TANGO6: variants seen among roughly 807,000 people sequenced by gnomAD.
TANGO6 encodes the protein transport and golgi organization 6 homolog.
TANGO6 carries 90 observed loss-of-function variants against 114.2 expected under a neutral mutation model. The observed-to-expected ratio is 0.79, with a 90% CI of 0.66 to 0.94. TANGO6 has a LOEUF of 0.94. Ranked by LOEUF, TANGO6 falls within the 40% of genes least tolerant of loss-of-function variation. TANGO6 has a pLI of 0.00. For missense variants in TANGO6, 1,274 were observed against 1,315.3 expected, an observed-to-expected ratio of 0.97 and a Z score of 0.49; for synonymous variants, 477 against 509.8, an observed-to-expected ratio of 0.94 and a Z score of 0.87.
chr16:69,008,131 G>GA (rs920704725), intron 15 of TANGO6, among the ~76,000 whole-genome samples: 3 of 151,576 alleles, frequency 2.0e-5, no homozygotes, highest in South Asian at 2.1e-4. Flanking sequence ...TTTTCTTTCA[G>GA]AAAAAATAGA....
At chr16:68,863,104 A>C in intron 3 of TANGO6, 43 bp downstream of exon 3, 1 of 1,222,802 alleles carries the variant, frequency 8.2e-7, no homozygotes, top group Non-Finnish European at 1.1e-6. Flanking sequence ...CATTAATGAT[A>C]ATGTGTGGTT....
chr16:69,081,252 G>A (rs1005456437), intron 17 of TANGO6, among the ~76,000 whole-genome samples: 1 of 152,102 alleles, frequency 6.6e-6, no homozygotes, highest in Non-Finnish European at 1.5e-5. Context: ...AGTATTTGAG[G>A]CAAAAAGCCC....
At position 68,907,675 on chromosome 16, in the gene TANGO6, A is replaced by C; in HGVS notation, c.1800+100A>C. The C allele has an allele frequency of 2.2e-6, 3 of 1,363,040 alleles. No homozygotes were observed. In the South Asian group the frequency reaches 4.8e-5, roughly 22 times the overall value. The allele number at this position is 1,363,040 out of a possible 1,614,324, so 84.4% of individuals were successfully genotyped here. Reference sequence around the variant, plus strand: ...TTTATAATTTTAGGTCCTAAAATGTAGGCCCTAATTTAAGGAAAATGGTCA... The same window carrying C: ...TTTATAATTTTAGGTCCTAAAATGTCGGCCCTAATTTAAGGAAAATGGTCA... On this transcript the variant is annotated intron_variant, in intron 10 of 17. Transcript: ENST00000261778.
At chr16:68,873,775 T>C (rs143203537) in intron 4 of TANGO6, among the ~76,000 whole-genome samples, 55 of 152,338 alleles carry the variant, frequency 3.6e-4, no homozygotes, top group Middle Eastern at 6.8e-3. Flanking sequence ...TTATATTCCT[T>C]AGTTGGACTT....
intron 15 of TANGO6, among the ~76,000 whole-genome samples, chr16:68,994,482 C>G (rs1963973252): frequency 6.6e-6 from 1 of 152,084 alleles, no homozygotes; most frequent in East Asian, 1.9e-4. Context: ...AAATCTTTCT[C>G]TTATTCTTTC....
chr16:68,849,212 G>A lies in TANGO6; in HGVS notation c.94+5501G>A, dbSNP rs137913221. Among the ~76,000 whole-genome samples the A allele has an allele frequency of 5.6e-4, 85 of 152,262 alleles. 2 individuals are homozygous for A. The East Asian group carries it at 0.014, about 26-fold the overall frequency. ...TAGCCGAGTGCTATGGTGGGCTCCT[G>A]TAATCCTAGCTACTTGGAGGCTGAG... On this transcript the variant is annotated intron_variant, in intron 1 of 17. Coordinates refer to ENST00000261778, the MANE Select transcript of TANGO6 (RefSeq NM_024562.2).
intron 1 of TANGO6, among the ~76,000 whole-genome samples, chr16:68,857,273 C>A (rs967678401): frequency 6.6e-6 from 1 of 152,240 alleles, no homozygotes; most frequent in Admixed American, 6.5e-5. Context: ...AGACTGGCTT[C>A]TTTCACTTAG....
chr16:68,990,950 AC>A (rs965185666), intron 15 of TANGO6, among the ~76,000 whole-genome samples: 1 of 152,158 alleles, frequency 6.6e-6, no homozygotes, highest in African/African-American at 2.4e-5. Flanking sequence ...AAGCAGAGAG[AC>A]CTATTAGGAT....
chr16:68,937,392 T>C (rs1230124513), intron 14 of TANGO6: 1 of 152,246 alleles, frequency 6.6e-6, no homozygotes, highest in African/African-American at 2.4e-5. Context: ...TTAAAACTTC[T>C]TATTTGAGAT....
chr16:68,995,903 A>G (rs1313251344), intron 15 of TANGO6, among the ~76,000 whole-genome samples: 1 of 152,216 alleles, frequency 6.6e-6, no homozygotes, highest in Non-Finnish European at 1.5e-5. Flanking sequence ...TATTTGTGAT[A>G]CAGGGTTAAT....
rs747181358 is a variant in TANGO6 at position 68,927,761 on chromosome 16, G to T, written c.2321G>T (p.Gly774Val). 1 of 1,613,796 alleles carries T rather than the reference G, an allele frequency of 6.2e-7. No homozygotes were observed. The highest frequency in any genetic ancestry group is 1.1e-5 in the South Asian group (1 of 91,082). ...QSTLNRKDLE[G>V]KIEEQQQTSH... ...ACACTGAACAGAAAAGATCTGGAAG[G>T]GAAAATAGAAGAGCAGCAACAAACC... The change falls in exon 13 of 18, where the codon GGG becomes GTG. Residue 774 changes from glycine (G) to valine (V), a missense_variant. Gly to Val is a moderately radical substitution (Grantham distance 109). Transcript: ENST00000261778.
rs560932825 is a variant in TANGO6 at position 68,887,533 on chromosome 16, G to A, written c.1377+6903G>A. 4.6e-5 allele frequency among the ~76,000 whole-genome samples: 7 copies of A among 152,282 alleles called. No individual in the cohort carries two copies. The East Asian group carries it at 1.4e-3, about 29-fold the overall frequency. On this transcript the variant is annotated intron_variant, in intron 7 of 17. Coordinates refer to ENST00000261778, the MANE Select transcript of TANGO6 (RefSeq NM_024562.2). The stretch of plus-strand genomic sequence containing the variant: ...TGAAAAGCAAAGTTTGTTGGGGCTG[G>A]TATGTCCAATATACTTTGTTTAAAA...
intron 17 of TANGO6, among the ~76,000 whole-genome samples, chr16:69,072,026 C>CGTGTGTGTGTGTGTGTGTGTGTGTGT (rs58310609): frequency 2.2e-5 from 2 of 92,986 alleles, no homozygotes; most frequent in African/African-American, 4.9e-5. Flanking sequence ...AGAGGGAGAC[C>CGTGTGTGTGTGTGTGTGTGTGTGTGT]GTGTGTGTGT....
intron 15 of TANGO6, among the ~76,000 whole-genome samples, chr16:68,976,398 C>G (rs992110126): frequency 1.3e-5 from 2 of 152,132 alleles, no homozygotes; most frequent in Non-Finnish European, 2.9e-5. Context: ...TGAAGGAAAA[C>G]AAATATTTTT....
chr16:68,963,229 C>A (rs1272829930), intron 14 of TANGO6, among the ~76,000 whole-genome samples: 1 of 152,026 alleles, frequency 6.6e-6, no homozygotes, highest in Non-Finnish European at 1.5e-5. Flanking sequence ...TCAAGCGATC[C>A]TCCCACCTCA....
intron 17 of TANGO6, among the ~76,000 whole-genome samples, chr16:69,044,634 A>G (rs1278595732): frequency 6.6e-6 from 1 of 152,126 alleles, no homozygotes; most frequent in Non-Finnish European, 1.5e-5. Flanking sequence ...GCAATTTGGA[A>G]GGGAAAGATC....
At chr16:69,023,121 A>G (rs1238358406) in intron 16 of TANGO6, 142 bp downstream of exon 16, 7 of 867,520 alleles carry the variant, frequency 8.1e-6, no homozygotes, top group East Asian at 5.8e-5. Context: ...GAGCCATTGA[A>G]CTTCCCAAGG....
chr16:69,007,647 T>G (rs1365893453), intron 15 of TANGO6, among the ~76,000 whole-genome samples: 1 of 152,214 alleles, frequency 6.6e-6, no homozygotes, highest in African/African-American at 2.4e-5. Context: ...TCTATGTATA[T>G]TTGTGTACAA....
At chr16:68,931,444 T>C (rs1963238373) in intron 14 of TANGO6, among the ~76,000 whole-genome samples, 2 of 152,312 alleles carry the variant, frequency 1.3e-5, no homozygotes, top group Admixed American at 6.5e-5. Context: ...CACAAAACCT[T>C]GTGTGTGAAT....
Sources: gnomAD v4.1 joint callset for allele counts (sites outside exome capture counted in the v4.1 genomes callset) on GRCh38, gnomAD v4.1.1 for gene constraint, MANE v1.5 for transcripts, NCBI Gene and HGNC (gene_info 2026-07-23, HGNC 2026-07-21) for gene names.